The following SCHIP1 variants were observed in gnomAD, a reference collection of about 807,000 sequenced individuals.
SCHIP1 encodes schwannomin-interacting protein 1.
Under a neutral mutation model 29.7 loss-of-function variants are expected in SCHIP1, and 8 were observed. The ratio of observed to expected loss-of-function variants is 0.27; its 90% CI spans 0.16 to 0.49. SCHIP1 has a LOEUF of 0.49. Among genes scored for constraint, SCHIP1 ranks in the 20% least tolerant of loss-of-function variants. The pLI, the probability that SCHIP1 is intolerant of heterozygous loss-of-function variation, is 0.99. For synonymous variants in SCHIP1, 76 were observed against 94.9 expected (o/e 0.80, Z 1.16); for missense variants, 193 against 294.6 (o/e 0.66, Z 2.52).
At chr3:159,768,525 A>G in the SCHIP1 span, 1 of 152,226 alleles carries the variant, frequency 6.6e-6, no homozygotes, top group African/African-American at 2.4e-5. Flanking sequence ...TTGAGAGGCA[A>G]ATTTAAAAAT....
At chr3:159,534,098 GT>G in the SCHIP1 span, among the ~76,000 whole-genome samples, 1 of 152,120 alleles carries the variant, frequency 6.6e-6, no homozygotes, top group African/African-American at 2.4e-5. Context: ...CTAAAATATT[GT>G]TTTTAATAAT....
chr3:159,830,548 C>T, the SCHIP1 span, among the ~76,000 whole-genome samples: 1 of 152,108 alleles, frequency 6.6e-6, no homozygotes, highest in African/African-American at 2.4e-5. Flanking sequence ...GGTTATAAGA[C>T]TCTCAGGTAA....
At chr3:159,338,339 T>C in the SCHIP1 span, among the ~76,000 whole-genome samples, 3 of 152,292 alleles carry the variant, frequency 2.0e-5, no homozygotes, top group South Asian at 6.2e-4. Flanking sequence ...TGCAGAAACC[T>C]CTGTAATTGT....
chr3:159,817,454 G>A, the SCHIP1 span, among the ~76,000 whole-genome samples: 1,983 of 152,260 alleles, frequency 0.013, 42 homozygotes, highest in African/African-American at 0.045. Flanking sequence ...CACTTAGAGT[G>A]CTTAGCTGGG....
At chr3:159,830,006 A>G in the SCHIP1 span, among the ~76,000 whole-genome samples, 2 of 152,200 alleles carry the variant, frequency 1.3e-5, no homozygotes, top group Non-Finnish European at 2.9e-5. Context: ...GTTTCTTGCT[A>G]CTTTGCTTTT....
chr3:159,286,673 A>G, the SCHIP1 span, among the ~76,000 whole-genome samples: 9 of 152,180 alleles, frequency 5.9e-5, no homozygotes, highest in Non-Finnish European at 1.3e-4. Flanking sequence ...TGGCTGAACT[A>G]ATGTACATTT....
At chr3:159,495,443 A>G in the SCHIP1 span, among the ~76,000 whole-genome samples, 483 of 152,350 alleles carry the variant, frequency 3.2e-3, 1 homozygote, top group African/African-American at 0.011. Context: ...AAAAATCACA[A>G]GCATTCTTAT....
At chr3:159,747,763 A>C in the SCHIP1 span, among the ~76,000 whole-genome samples, 1 of 152,166 alleles carries the variant, frequency 6.6e-6, no homozygotes, top group Non-Finnish European at 1.5e-5. Context: ...TTATTCAGTG[A>C]TATGTTGAAA....
chr3:159,861,280 A>G lies in SCHIP1; in HGVS notation c.31-4883A>G, dbSNP rs747737341. ...ATCTTGGTGTGTAAGGGATGGGGCC[A>G]TGCCATATGCCGAAAAAAAGGGTGG... On this transcript the variant is annotated intron_variant, in intron 1 of 6. Coordinates refer to ENST00000445224, the Ensembl canonical transcript of SCHIP1. This position sits in a 1 kb window ranked among gnomAD's most constrained non-coding sequence, Gnocchi z 4.1. Among the ~76,000 whole-genome samples the G allele has an allele frequency of 1.3e-5, 2 of 152,134 alleles. No individual in the cohort carries two copies. The highest frequency in any genetic ancestry group is 2.4e-5 in the African/African-American group (1 of 41,422).
chr3:159,421,287 T>A, the SCHIP1 span, among the ~76,000 whole-genome samples: 5 of 152,224 alleles, frequency 3.3e-5, no homozygotes, highest in South Asian at 1.0e-3. Context: ...TTTAGTCTGC[T>A]CTGTGTATTG....
the SCHIP1 span, among the ~76,000 whole-genome samples, chr3:159,462,750 T>C: frequency 2.0e-5 from 3 of 152,158 alleles, no homozygotes; most frequent in Non-Finnish European, 4.4e-5. Flanking sequence ...TTCTTGTTCA[T>C]ATTATTTTCT....
the SCHIP1 span, among the ~76,000 whole-genome samples, chr3:159,482,645 C>A: frequency 6.6e-6 from 1 of 152,138 alleles, no homozygotes; most frequent in Non-Finnish European, 1.5e-5. Flanking sequence ...CTAGTATATG[C>A]ACACTTTAGC....
At chr3:159,672,007 C>A in the SCHIP1 span, among the ~76,000 whole-genome samples, 1 of 152,142 alleles carries the variant, frequency 6.6e-6, no homozygotes. Context: ...CCATGAAAAT[C>A]GCTCAAAACA....
the SCHIP1 span, among the ~76,000 whole-genome samples, chr3:159,658,983 CAGCTCA>C: frequency 6.6e-6 from 1 of 152,220 alleles, no homozygotes; most frequent in African/African-American, 2.4e-5. Context: ...GTGTACCTGT[CAGCTCA>C]AGAGTTTATT....
the SCHIP1 span, among the ~76,000 whole-genome samples, chr3:159,464,526 G>C: frequency 3.7e-4 from 56 of 152,094 alleles, no homozygotes; most frequent in Non-Finnish European, 1.5e-4. Flanking sequence ...CCTCATTGAA[G>C]GTTCAAATGG....
chr3:159,662,431 A>T, the SCHIP1 span, among the ~76,000 whole-genome samples: 1 of 152,330 alleles, frequency 6.6e-6, no homozygotes, highest in African/African-American at 2.4e-5. Flanking sequence ...ACATGGAGAC[A>T]ATTTAATTCC....
the SCHIP1 span, among the ~76,000 whole-genome samples, chr3:159,405,327 T>C: frequency 2.6e-5 from 4 of 152,306 alleles, no homozygotes; most frequent in South Asian, 2.1e-4. Context: ...CCTGGAGAGA[T>C]AGAGATTTGC....
chr3:159,637,443 G>C, the SCHIP1 span, among the ~76,000 whole-genome samples: 1 of 150,534 alleles, frequency 6.6e-6, no homozygotes, highest in Admixed American at 6.7e-5. Context: ...TCTCTGCTAA[G>C]GGTGGGAGAT....
chr3:159,597,994 A>C, the SCHIP1 span, among the ~76,000 whole-genome samples: 4,565 of 152,228 alleles, frequency 0.03, 224 homozygotes, highest in African/African-American at 0.1. Flanking sequence ...AATAGTGAGC[A>C]TAGGGGAAAC....
Sources: gnomAD v4.1 joint callset for allele counts (sites outside exome capture counted in the v4.1 genomes callset) on GRCh38, gnomAD v4.1.1 for gene constraint, Gnocchi (gnomAD v3.1) non-coding constraint, MANE v1.5 for transcripts, NCBI Gene and HGNC (gene_info 2026-07-23, HGNC 2026-07-21) for gene names.